SNRNP70: variants seen among roughly 807,000 people sequenced by gnomAD.
The protein encoded by SNRNP70 is U1 small nuclear ribonucleoprotein 70 kDa.
A neutral mutation model predicts 50.5 loss-of-function variants in SNRNP70; 8 were observed. The ratio of observed to expected loss-of-function variants is 0.16; its 90% CI spans 0.09 to 0.29. The LOEUF (loss-of-function observed/expected upper bound fraction) is 0.29, where lower values mean the gene tolerates loss of function less well. SNRNP70 is among the 10% of genes least tolerant of loss of function. The probability of loss-of-function intolerance (pLI) is 1.00; values close to 1 mark genes in which losing one functional copy is unlikely to be tolerated. For synonymous variants in SNRNP70, 320 were observed against 252.9 expected (o/e 1.27, Z -2.52); for missense variants, 529 against 663.5 (o/e 0.80, Z 2.23).
intron 6 of SNRNP70, among the ~76,000 whole-genome samples, chr19:49,099,932 A>G (rs2040561417): frequency 1.3e-5 from 2 of 150,410 alleles, no homozygotes; most frequent in African/African-American, 2.5e-5. Flanking sequence ...GTGTGTGTGT[A>G]TGTGCATGTG....
intron 2 of SNRNP70, among the ~76,000 whole-genome samples, chr19:49,088,192 C>G (rs2040405250): frequency 7.0e-6 from 1 of 142,248 alleles, no homozygotes; most frequent in Non-Finnish European, 1.5e-5. Context: ...TGCCTGGGAG[C>G]CAGGTACTTT....
chr19:49,085,673 G>T (rs1390101742), intron 1 of SNRNP70, 37 bp downstream of exon 1: 1 of 455,432 alleles, frequency 2.2e-6, no homozygotes, highest in Non-Finnish European at 4.4e-6. Context: ...ACGGGGTGCG[G>T]GGCCGCTACC....
chr19:49,101,437 C>T lies in SNRNP70; in HGVS notation c.441C>T (p.Ala147=), dbSNP rs777497340. The T allele has an allele frequency of 3.1e-6, 5 of 1,614,026 alleles. No homozygotes were observed. The South Asian group carries it at 4.4e-5, about 14-fold the overall frequency. ...GGTCAGGAAAGCCCCGTGGCTATGC[C>T]TTCATCGAGTACGAACACGAGCGAG... ...SKRSGKPRGY[A]FIEYEHERDM... The change falls in exon 7 of 10, where the codon GCC becomes GCT. Residue 147 remains alanine (A), a synonymous_variant. Coordinates refer to ENST00000598441, the MANE Select transcript of SNRNP70 (RefSeq NM_003089.6).
intron 4 of SNRNP70, among the ~76,000 whole-genome samples, chr19:49,093,875 T>C (rs188044449): frequency 5.0e-4 from 75 of 150,590 alleles, no homozygotes; most frequent in African/African-American, 1.8e-3. Context: ...AAACAAAACC[T>C]AGCCAGGCAT....
At chr19:49,098,399 C>A (rs759365233) in intron 4 of SNRNP70, 28 bp from the exon 5 acceptor site, 1 of 1,589,802 alleles carries the variant, frequency 6.3e-7, no homozygotes, top group South Asian at 1.1e-5. Context: ...ACACCTTCAA[C>A]TTATAAAATT....
intron 2 of SNRNP70, among the ~76,000 whole-genome samples, chr19:49,088,388 A>T (rs983304724): frequency 2.0e-5 from 3 of 148,286 alleles, no homozygotes; most frequent in Non-Finnish European, 4.5e-5. Flanking sequence ...ATTTTTAGAG[A>T]TGGGGTTTCA....
intron 4 of SNRNP70, among the ~76,000 whole-genome samples, chr19:49,098,105 G>A (rs1035496155): frequency 1.3e-5 from 2 of 152,198 alleles, no homozygotes; most frequent in Non-Finnish European, 2.9e-5. Context: ...TTGCATCTGG[G>A]AGCGATAGGG....
intron 7 of SNRNP70, among the ~76,000 whole-genome samples, chr19:49,101,870 C>G (rs2040592324): frequency 6.7e-6 from 1 of 149,644 alleles, no homozygotes; most frequent in African/African-American, 2.5e-5. Context: ...GCCCTCTCTT[C>G]CCCCCCCAGT....
At chr19:49,089,957 C>T (rs917606134) in intron 2 of SNRNP70, among the ~76,000 whole-genome samples, 2 of 151,956 alleles carry the variant, frequency 1.3e-5, no homozygotes, top group Non-Finnish European at 2.9e-5. Context: ...GCACTGCACC[C>T]GGCCTTTACA....
chr19:49,090,649 T>C, intron 4 of SNRNP70, 129 bp downstream of exon 4: 1 of 847,194 alleles, frequency 1.2e-6, no homozygotes, highest in Non-Finnish European at 1.9e-6. Context: ...AGTTCATTTG[T>C]TTAGCCCCTG....
At chr19:49,096,331 A>T (rs1278459269) in intron 4 of SNRNP70, among the ~76,000 whole-genome samples, 1 of 152,064 alleles carries the variant, frequency 6.6e-6, no homozygotes, top group Non-Finnish European at 1.5e-5. Context: ...TGCTGGGATT[A>T]CAGGTGTGAG....
In SNRNP70 at chr19:49,108,498, C is replaced by G; in HGVS notation, c.*55C>G. On this transcript the variant is annotated 3_prime_UTR_variant, in exon 10 of 10. Transcript: ENST00000598441. Reference sequence around the variant, plus strand: ...GGACGCGTTCCTGCCCAGCCCCTTGCTGTCATCCCCTCCCCCAACCTTGGC... The same window carrying G: ...GGACGCGTTCCTGCCCAGCCCCTTGGTGTCATCCCCTCCCCCAACCTTGGC... 6.5e-7 allele frequency: 1 copy of G among 1,537,946 alleles called. No homozygotes were observed. The highest frequency in any genetic ancestry group is 8.8e-7 in the Non-Finnish European group (1 of 1,141,082).
At chr19:49,094,481 A>T (rs562486461) in intron 4 of SNRNP70, among the ~76,000 whole-genome samples, 1 of 152,320 alleles carries the variant, frequency 6.6e-6, no homozygotes, top group Non-Finnish European at 1.5e-5. Context: ...CCGGGGTGAC[A>T]GAGCAAGACT....
At chr19:49,097,773 A>G (rs112648696) in intron 4 of SNRNP70, among the ~76,000 whole-genome samples, 3 of 152,304 alleles carry the variant, frequency 2.0e-5, no homozygotes, top group Non-Finnish European at 2.9e-5. Flanking sequence ...GGAGATTGTT[A>G]TTCCTTAGTA....
chr19:49,088,352 G>A (rs62127921), intron 2 of SNRNP70, among the ~76,000 whole-genome samples: 15 of 145,954 alleles, frequency 1.0e-4, no homozygotes, highest in African/African-American at 3.3e-4. Context: ...ACAGGTGCCC[G>A]CCACCACGCC....
In SNRNP70 at chr19:49,108,269, G is replaced by C. The variant is rs1366010994; in HGVS notation, c.1140G>C (p.Arg380=). The C allele has an allele frequency of 1.3e-5, 20 of 1,556,712 alleles. 1 individual carries two copies. In the East Asian group the frequency reaches 4.3e-4, roughly 34 times the overall value. ...GTGACCGTGACCGCGAGCACAAACG[G>C]GGGGAGCGGGGCAGTGAGCGGGGCA... ...RDRDRDREHK[R]GERGSERGRD... is the part of the protein sequence containing the mutation. The change falls in exon 10 of 10, where the codon CGG becomes CGC. Residue 380 remains arginine, a synonymous_variant. Coordinates refer to ENST00000598441, the MANE Select transcript of SNRNP70 (RefSeq NM_003089.6).
chr19:49,088,475 A>AGACGT (rs1362900643), intron 2 of SNRNP70, among the ~76,000 whole-genome samples: 3 of 143,994 alleles, frequency 2.1e-5, no homozygotes, highest in Non-Finnish European at 4.5e-5. Context: ...CTGGGATTAC[A>AGACGT]GACGTGAGCC....
In SNRNP70 at chr19:49,108,346, T is replaced by A. The variant is rs746153319; in HGVS notation, c.1217T>A (p.Leu406Gln). ...GGGQDNGLEG[L>Q]GNDSRDMYME... is the part of the protein sequence containing the mutation. ...GGCCAGGACAACGGGCTGGAGGGTC[T>A]GGGCAACGACAGCCGAGACATGTAC... is the stretch of plus-strand genomic sequence containing the variant. The change falls in exon 10 of 10, where the codon CTG (leucine) becomes CAG (glutamine). Residue 406 changes from leucine to glutamine, a missense_variant. Transcript: ENST00000598441. The A allele has an allele frequency of 1.0e-5, 16 of 1,606,714 alleles. No homozygotes were observed. The highest frequency in any genetic ancestry group is 1.4e-5 in the Non-Finnish European group (16 of 1,176,964).
In SNRNP70 at chr19:49,107,039, G is replaced by T. The variant is rs1203899643; in HGVS notation, c.578-586G>T. 6.6e-6 allele frequency among the ~76,000 whole-genome samples: 1 copy of T among 152,170 alleles called. No homozygotes were observed. Among genetic ancestry groups the T allele is most frequent in the African/African-American group, 2.4e-5 (1 of 41,442 alleles). On this transcript the variant is annotated intron_variant, in intron 8 of 9. Transcript: ENST00000598441. This position sits in a 1 kb window ranked among gnomAD's most constrained non-coding sequence, Gnocchi z 6.0. ...GAAAGGATGTTCGGGCTAGCGTTAA[G>T]GGTGAGCGTGAGTTCACCAGAGAAG... is the stretch of plus-strand genomic sequence containing the variant.
Sources: allele counts gnomAD v4.1 joint callset (sites outside exome capture counted in the v4.1 genomes callset), GRCh38; gene constraint gnomAD v4.1.1; non-coding constraint Gnocchi (gnomAD v3.1); transcripts MANE v1.5; gene names NCBI Gene and HGNC (gene_info 2026-07-23, HGNC 2026-07-21).